Variants in MUC5B observed in about 807,000 individuals in gnomAD.
MUC5B encodes mucin-5B.
In MUC5B, 116 loss-of-function variants were observed where a neutral mutation model predicts 376.9. The ratio of observed to expected loss-of-function variants is 0.31; its 90% CI spans 0.26 to 0.36. The LOEUF (loss-of-function observed/expected upper bound fraction) is 0.36, where lower values mean the gene tolerates loss of function less well. MUC5B is among the 10% of genes least tolerant of loss of function. MUC5B has a pLI of 1.00. For synonymous variants in MUC5B, 3,517 were observed against 3,390.9 expected (o/e 1.04, Z -1.29); for missense variants, 7,165 against 7,769.9 (o/e 0.92, Z 2.93).
chr11:1,224,924 G>A (rs1861847558), intron 1 of MUC5B, among the ~76,000 whole-genome samples: 2 of 152,170 alleles, frequency 1.3e-5, no homozygotes, highest in African/African-American at 4.8e-5. Context: ...AGGAGCTCTG[G>A]GGTCCTGTGA....
chr11:1,243,640 A>G lies in MUC5B; in HGVS notation c.6760A>G (p.Ser2254Gly). 1.2e-6 allele frequency: 2 copies of G among 1,609,962 alleles called. No homozygotes were observed. Among genetic ancestry groups the G allele is most frequent in the African/African-American group, 1.3e-5 (1 of 74,344 alleles). Residue 2254 changes from serine to glycine, a missense_variant, in exon 31 of 49, where the codon AGC becomes GGC. By Grantham distance (56) the Ser-to-Gly change is moderately conservative. Around this residue, in one of 31 missense-constraint regions of MUC5B, gnomAD observed 79 missense variants for 63.0 expected, o/e 1.25. Coordinates refer to ENST00000529681, the MANE Select transcript of MUC5B (RefSeq NM_002458.3). ...CCAGCACTCGACTCCAGCCCTTTCC[A>G]GCCCTCACCCTAGCAGCAGAACCAC... ...TTQHSTPALS[S>G]PHPSSRTTES...
At chr11:1,252,167 T>C (rs551564371) in intron 31 of MUC5B, among the ~76,000 whole-genome samples, 176 bp from the exon 32 acceptor site, 1 of 152,244 alleles carries the variant, frequency 6.6e-6, no homozygotes, top group South Asian at 2.1e-4. Flanking sequence ...CTGGTCACAA[T>C]CCGTCCCCAG....
chr11:1,261,029 C>T (rs1184295399), intron 48 of MUC5B, among the ~76,000 whole-genome samples: 1 of 152,236 alleles, frequency 6.6e-6, no homozygotes, highest in East Asian at 1.9e-4. Flanking sequence ...TTCTGTGAAG[C>T]CCCCCATGGC....
rs1861965291 is a variant in MUC5B at position 1,229,180 on chromosome 11, C to T, written c.987C>T (p.Cys329=). ...WRCPELCPRT[C]PLNMQHQECG... is the part of the protein sequence containing the mutation. ...CCTCCTTTTGCGCAGCCCGGACCTGCCCCCTCAACATGCAGCACCAGGAGT... is the reference window on the plus strand; with the variant it reads ...CCTCCTTTTGCGCAGCCCGGACCTGTCCCCTCAACATGCAGCACCAGGAGT... Residue 329 remains cysteine, a synonymous_variant, in exon 9 of 49, where the codon TGC becomes TGT. Coordinates refer to ENST00000529681, the MANE Select transcript of MUC5B (RefSeq NM_002458.3). 1.9e-6 allele frequency: 3 copies of T among 1,594,696 alleles called. No individual in the cohort carries two copies. In the African/African-American group the frequency reaches 4.0e-5, roughly 21 times the overall value.
Position 1,237,130 on chromosome 11 carries a change from TC to T in MUC5B, c.3265del (p.His1089ThrfsTer22). The T allele has an allele frequency of 1.4e-6, 2 of 1,464,664 alleles. No individual in the cohort carries two copies. The highest frequency in any genetic ancestry group is 9.1e-7 in the Non-Finnish European group (1 of 1,101,134). The allele number at this position is 1,464,664 out of a possible 1,614,324, so 90.7% of individuals were successfully genotyped here. ...TGGGCCCAGAAGCAGTGCAGCATCC[TC>T]CACGGCCCCACCTTCGCCGCCTGCC... Reference protein sequence around the residue: ...KSWAQKQCSILHGPTFAACRS... With the variant: ...KSWAQKQCSIXHGPTFAACRS... On this transcript the variant is annotated frameshift_variant, in exon 25 of 49. Transcript: ENST00000529681. LOFTEE classifies it high-confidence loss of function.
Position 1,250,427 on chromosome 11 carries a change from C to T in MUC5B, c.13547C>T (p.Thr4516Ile), listed in dbSNP as rs748697854. ...CCAGCACTGAGAAGCACAGCCACCA[C>T]ACCCACAGCTACCAGCTTTACAGCC... ...ALPALRSTAT[T>I]PTATSFTAIP... The change falls in exon 31 of 49, where the codon ACA (threonine) becomes ATA (isoleucine). Residue 4516 changes from threonine to isoleucine, a missense_variant. Thr to Ile is a moderately conservative substitution (Grantham distance 89). Coordinates refer to ENST00000529681, the MANE Select transcript of MUC5B (RefSeq NM_002458.3). 1.3e-6 allele frequency: 2 copies of T among 1,595,306 alleles called. No individual in the cohort carries two copies. Among genetic ancestry groups the T allele is most frequent in the Non-Finnish European group, 1.7e-6 (2 of 1,164,154 alleles).
intron 30 of MUC5B, 128 bp downstream of exon 30, chr11:1,240,503 T>A: frequency 1.1e-6 from 1 of 907,770 alleles, no homozygotes; most frequent in Non-Finnish European, 1.7e-6. Context: ...GGGCTCTGTC[T>A]AGGGGTGCAC....
rs573529742 is a variant in MUC5B at position 1,252,431 on chromosome 11, C to T, written c.14952C>T (p.Gly4984=). The T allele has an allele frequency of 6.5e-5, 105 of 1,611,114 alleles. 1 individual carries two copies. In the East Asian group the frequency reaches 1.4e-3, roughly 21 times the overall value. Residue 4984 remains glycine (G), a synonymous_variant, in exon 32 of 49, where the codon GGC becomes GGT. Coordinates refer to ENST00000529681, the MANE Select transcript of MUC5B (RefSeq NM_002458.3). Reference sequence around the variant, plus strand: ...ACTGTGACATTGACCGCTTCCAGGGCGCCTGTCCCACCTCCCCACCGCCAG... The same window carrying T: ...ACTGTGACATTGACCGCTTCCAGGGTGCCTGTCCCACCTCCCCACCGCCAG... ...NQHCDIDRFQ[G]ACPTSPPPVS... is the part of the protein sequence containing the mutation.
Position 1,251,002 on chromosome 11 carries a change from G to C in MUC5B, c.14122G>C (p.Val4708Leu), listed in dbSNP as rs574794970. 2.5e-6 allele frequency: 4 copies of C among 1,608,556 alleles called. No homozygotes were observed. The highest frequency in any genetic ancestry group is 3.4e-6 in the Non-Finnish European group (4 of 1,176,676). The change falls in exon 31 of 49, where the codon GTG becomes CTG. Residue 4708 changes from valine (V) to leucine (L), a missense_variant. Physicochemically the swap from Val to Leu is conservative, Grantham distance 32. This residue lies in a region of MUC5B where 730 missense variants were observed against 592.7 expected (regional missense o/e 1.23). Coordinates refer to ENST00000529681, the MANE Select transcript of MUC5B (RefSeq NM_002458.3). The stretch of plus-strand genomic sequence containing the variant: ...TCCAGGGACAACACCCATCACCCCA[G>C]TGCTGACCAGCACGGCCACCACACC... ...STPGTTPITPVLTSTATTPAA... is the reference protein window; with the variant it reads ...STPGTTPITPLLTSTATTPAA...
At position 1,244,479 on chromosome 11, in the gene MUC5B, A is replaced by T. The variant is rs561572250; in HGVS notation, c.7599A>T (p.Thr2533=). 3 of 1,547,150 alleles carry T rather than the reference A, an allele frequency of 1.9e-6. No homozygotes were observed. In the African/African-American group the frequency reaches 4.1e-5, roughly 21 times the overall value. Residue 2533 remains threonine, a synonymous_variant, in exon 31 of 49, where the codon ACA becomes ACT. Transcript: ENST00000529681. ...PALRSTATTP[T]ATSFTAIPSS... Reference sequence around the variant, plus strand: ...TGAGAAGCACAGCCACCACACCCACAGCTACCAGCTTTACAGCCATCCCCT... The same window carrying T: ...TGAGAAGCACAGCCACCACACCCACTGCTACCAGCTTTACAGCCATCCCCT...
chr11:1,239,972 G>A (rs1248449930), intron 28 of MUC5B, 29 bp downstream of exon 28: 2 of 1,610,894 alleles, frequency 1.2e-6, no homozygotes, highest in Non-Finnish European at 1.7e-6. Flanking sequence ...GGTGGCGCTG[G>A]GGGAGCAGGG....
At chr11:1,252,549 C>T in intron 32 of MUC5B, 25 bp downstream of exon 32, 1 of 1,514,258 alleles carries the variant, frequency 6.6e-7, no homozygotes, top group Non-Finnish European at 8.8e-7. Flanking sequence ...CCCTCCACCT[C>T]CCGTGCTGCG....
chr11:1,236,889 C>T, intron 24 of MUC5B, 36 bp from the exon 25 acceptor site: 1 of 1,402,586 alleles, frequency 7.1e-7, no homozygotes, highest in Non-Finnish European at 9.3e-7. Flanking sequence ...CCTGTGGCCC[C>T]AGCTCCAGGG....
At chr11:1,228,393 G>A in intron 7 of MUC5B, 171 bp from the exon 8 acceptor site, 1 of 621,916 alleles carries the variant, frequency 1.6e-6, no homozygotes, top group Non-Finnish European at 2.7e-6. Context: ...ACTCCCCAAG[G>A]GCCAAGCAGA....
intron 7 of MUC5B, 56 bp downstream of exon 7, chr11:1,227,837 G>T (rs1405893472): frequency 3.0e-5 from 20 of 673,748 alleles, no homozygotes; most frequent in African/African-American, 5.3e-5. Flanking sequence ...GGTCCAGGGG[G>T]AGCTGGGCCG....
intron 23 of MUC5B, among the ~76,000 whole-genome samples, chr11:1,236,059 G>A (rs574230942): frequency 3.7e-4 from 57 of 152,326 alleles, no homozygotes; most frequent in Admixed American, 1.1e-3. Flanking sequence ...GCTGAGGACC[G>A]CAGCGGGTCA....
In MUC5B at chr11:1,242,063, G is replaced by C. The variant is rs1157845142; in HGVS notation, c.5183G>C (p.Arg1728Pro). 1 of 1,601,076 alleles carries C rather than the reference G, an allele frequency of 6.2e-7. No individual in the cohort carries two copies. Among genetic ancestry groups the C allele is most frequent in the Non-Finnish European group, 8.5e-7 (1 of 1,174,620 alleles). ...APTTMATSRA[R>P]PTGTASTASK... The stretch of plus-strand genomic sequence containing the variant: ...ACAACAATGGCAACCTCCAGAGCTC[G>C]CCCGACAGGCACAGCCAGCACCGCT... Residue 1728 changes from arginine (R) to proline (P), a missense_variant, in exon 31 of 49, where the codon CGC (arginine) becomes CCC (proline). Arg to Pro is a moderately radical substitution (Grantham distance 103). This residue lies in a region of MUC5B where 897 missense variants were observed against 779.6 expected (regional missense o/e 1.15). Transcript: ENST00000529681.
chr11:1,261,941 C>T lies in MUC5B; in HGVS notation c.*333C>T, dbSNP rs148220253. Reference sequence around the variant, plus strand: ...GTCCCTGCCACGGCCGGAGCGCCCGCGCAGCACGGATTCCAGCTGGCCACG... The same window carrying T: ...GTCCCTGCCACGGCCGGAGCGCCCGTGCAGCACGGATTCCAGCTGGCCACG... On this transcript the variant is annotated 3_prime_UTR_variant, in exon 49 of 49. Transcript: ENST00000529681. 5.5e-6 allele frequency: 3 copies of T among 540,928 alleles called. No individual in the cohort carries two copies. The highest frequency in any genetic ancestry group is 1.5e-5 in the South Asian group (1 of 65,360). The allele number at this position is 540,928 out of a possible 1,614,324, so 33.5% of individuals were successfully genotyped here.
chr11:1,247,503 C>T lies in MUC5B; in HGVS notation c.10623C>T (p.Ala3541=). ...GHTRGTSRTT[A]TATPSKTRTS... ...CCAGGGGCACCTCCAGGACCACAGC[C>T]ACAGCCACACCCAGCAAGACCCGCA... Residue 3541 remains alanine (A), a synonymous_variant, in exon 31 of 49, where the codon GCC becomes GCT. Coordinates refer to ENST00000529681, the MANE Select transcript of MUC5B (RefSeq NM_002458.3). The T allele has an allele frequency of 6.2e-7, 1 of 1,608,546 alleles. No individual in the cohort carries two copies. Among genetic ancestry groups the T allele is most frequent in the Non-Finnish European group, 8.5e-7 (1 of 1,177,746 alleles).
Sources: gnomAD v4.1 joint callset for allele counts (sites outside exome capture counted in the v4.1 genomes callset) on GRCh38, gnomAD v4.1.1 for gene constraint, gnomAD v4.1.1 regional missense constraint, MANE v1.5 for transcripts, NCBI Gene and HGNC (gene_info 2026-07-23, HGNC 2026-07-21) for gene names.